Variants in GALNT13 observed in about 807,000 individuals in gnomAD.
GALNT13 encodes polypeptide N-acetylgalactosaminyltransferase 13, also known as UDP-GalNAc:polypeptide N-acetylgalactosaminyltransferase 13.
In GALNT13, 28 loss-of-function variants were observed where a neutral mutation model predicts 64.2. That is an observed-to-expected ratio of 0.44 (90% confidence interval 0.32 to 0.60). GALNT13 has a LOEUF of 0.60. Among genes scored for constraint, GALNT13 ranks in the 20% least tolerant of loss-of-function variants. The pLI, the probability that GALNT13 is intolerant of heterozygous loss-of-function variation, is 0.05. For synonymous variants in GALNT13, 214 were observed against 224.6 expected (o/e 0.95, Z 0.42); for missense variants, 577 against 669.8 (o/e 0.86, Z 1.53).
At chr2:153,086,742 A>G in the GALNT13 span, among the ~76,000 whole-genome samples, 1 of 147,868 alleles carries the variant, frequency 6.8e-6, no homozygotes, top group African/African-American at 2.5e-5. Flanking sequence ...ATTTTATTTT[A>G]TTTTGCAGCT....
At chr2:153,564,918 T>C in the GALNT13 span, among the ~76,000 whole-genome samples, 1 of 152,122 alleles carries the variant, frequency 6.6e-6, no homozygotes, top group Non-Finnish European at 1.5e-5. Flanking sequence ...AGAGCCAAAT[T>C]GTAAACTGCC....
intron 4 of GALNT13, among the ~76,000 whole-genome samples, chr2:154,227,044 A>C (rs1688654215): frequency 2.0e-5 from 3 of 152,108 alleles, no homozygotes; most frequent in Admixed American, 2.0e-4. Context: ...TTTCTGCTCC[A>C]CTTCATCTAA....
intron 4 of GALNT13, among the ~76,000 whole-genome samples, chr2:154,169,484 A>G (rs542944881): frequency 3.9e-5 from 6 of 152,196 alleles, no homozygotes; most frequent in African/African-American, 1.4e-4. Flanking sequence ...GACTTGAGTT[A>G]TGAAGTCTGA....
chr2:153,346,619 G>C, the GALNT13 span, among the ~76,000 whole-genome samples: 41,274 of 151,952 alleles, frequency 0.27, 6,738 homozygotes, highest in Non-Finnish European at 0.38. Flanking sequence ...GAGAAATTAT[G>C]ATCCAAAGTG....
chr2:153,727,849 T>G, the GALNT13 span, among the ~76,000 whole-genome samples: 3 of 152,138 alleles, frequency 2.0e-5, no homozygotes, highest in Non-Finnish European at 4.4e-5. Context: ...ATTCAGGTTT[T>G]AAGCCCGTAT....
At chr2:153,723,814 CAA>C in the GALNT13 span, among the ~76,000 whole-genome samples, 2 of 150,586 alleles carry the variant, frequency 1.3e-5, no homozygotes, top group Non-Finnish European at 2.9e-5. Flanking sequence ...AGGATACAAA[CAA>C]ATGCAAGAAC....
At chr2:154,145,926 A>G (rs1309715522) in intron 4 of GALNT13, among the ~76,000 whole-genome samples, 3 of 151,950 alleles carry the variant, frequency 2.0e-5, no homozygotes, top group African/African-American at 7.2e-5. Flanking sequence ...TGGATTTCCA[A>G]TCTCTGTTCC....
At chr2:153,231,920 T>G in the GALNT13 span, among the ~76,000 whole-genome samples, 1 of 152,140 alleles carries the variant, frequency 6.6e-6, no homozygotes, top group Non-Finnish European at 1.5e-5. Context: ...CTTGAGGGCC[T>G]GACCCTTGGA....
the GALNT13 span, among the ~76,000 whole-genome samples, chr2:153,282,679 CTG>C: frequency 6.6e-6 from 1 of 152,158 alleles, no homozygotes; most frequent in African/African-American, 2.4e-5. Context: ...GCCTCCCAAA[CTG>C]TTAGAATTAC....
the GALNT13 span, among the ~76,000 whole-genome samples, chr2:153,147,000 A>G: frequency 6.6e-6 from 1 of 151,816 alleles, no homozygotes; most frequent in Non-Finnish European, 1.5e-5. Flanking sequence ...CAGGTAGCAG[A>G]ATATAGTAGA....
At chr2:154,136,281 G>T (rs1449633267) in intron 3 of GALNT13, among the ~76,000 whole-genome samples, 1 of 152,136 alleles carries the variant, frequency 6.6e-6, no homozygotes, top group Non-Finnish European at 1.5e-5. Flanking sequence ...ATATTATTCA[G>T]ATTTTGATTC....
chr2:153,621,074 ACT>A, the GALNT13 span, among the ~76,000 whole-genome samples: 1 of 151,410 alleles, frequency 6.6e-6, no homozygotes, highest in Non-Finnish European at 1.5e-5. Context: ...CCAGACAGAG[ACT>A]CTTGTACTCT....
chr2:154,286,672 T>C (rs971885748), intron 8 of GALNT13: 11 of 312,902 alleles, frequency 3.5e-5, no homozygotes, highest in African/African-American at 1.7e-4. Context: ...CTCTGCCTTA[T>C]ACAGTGTGCA....
intron 2 of GALNT13, among the ~76,000 whole-genome samples, chr2:153,927,614 G>A (rs1441038078): frequency 1.3e-5 from 2 of 151,954 alleles, no homozygotes; most frequent in Non-Finnish European, 2.9e-5. Flanking sequence ...TTAAGTCCAT[G>A]AGGACTTGAA....
upstream of GALNT13, among the ~76,000 whole-genome samples, chr2:153,868,381 C>A (rs1393957946): frequency 1.3e-5 from 2 of 152,130 alleles, no homozygotes; most frequent in Admixed American, 6.5e-5. Context: ...TAGACAATTT[C>A]TTAAAATCAA....
At chr2:153,734,874 A>G in the GALNT13 span, among the ~76,000 whole-genome samples, 1 of 152,160 alleles carries the variant, frequency 6.6e-6, no homozygotes, top group Non-Finnish European at 1.5e-5. Flanking sequence ...TTAACTGGAA[A>G]TACCAGCTTT....
At chr2:154,055,231 T>C (rs1411142458) in intron 3 of GALNT13, among the ~76,000 whole-genome samples, 2 of 152,052 alleles carry the variant, frequency 1.3e-5, no homozygotes, top group Admixed American at 6.5e-5. Context: ...TAAAATAATA[T>C]CTTTGATGGG....
the GALNT13 span, among the ~76,000 whole-genome samples, chr2:153,401,635 GAT>G: frequency 5.6e-3 from 853 of 151,016 alleles, 5 homozygotes; most frequent in African/African-American, 0.02. Context: ...ATATATTTAG[GAT>G]AGTTAGCTCT....
intron 8 of GALNT13, among the ~76,000 whole-genome samples, chr2:154,279,931 C>T (rs1691868126): frequency 6.6e-6 from 1 of 151,536 alleles, no homozygotes; most frequent in South Asian, 2.1e-4. Flanking sequence ...TTGCCAAACT[C>T]TATATAGCAA....
Sources: gnomAD v4.1 joint callset for allele counts (sites outside exome capture counted in the v4.1 genomes callset) on GRCh38, gnomAD v4.1.1 for gene constraint, MANE v1.5 for transcripts, NCBI Gene and HGNC (gene_info 2026-07-23, HGNC 2026-07-21) for gene names.